ABTB3: variants seen among roughly 807,000 people sequenced by gnomAD.
The protein encoded by ABTB3 is ankyrin repeat and BTB domain containing 3.
the ABTB3 span, among the ~76,000 whole-genome samples, chr12:107,602,836 G>A: frequency 3.3e-5 from 5 of 152,170 alleles, no homozygotes; most frequent in African/African-American, 1.2e-4. Context: ...CAACGCCATC[G>A]CTTGCTGTCC....
At chr12:107,405,511 G>A in the ABTB3 span, among the ~76,000 whole-genome samples, 2 of 151,768 alleles carry the variant, frequency 1.3e-5, no homozygotes, top group African/African-American at 4.9e-5. Flanking sequence ...ACCACTCTCC[G>A]AGCAGTGGGG....
the ABTB3 span, among the ~76,000 whole-genome samples, chr12:107,502,974 G>A: frequency 6.6e-6 from 1 of 152,134 alleles, no homozygotes; most frequent in African/African-American, 2.4e-5. Flanking sequence ...GTACAGTAAG[G>A]CCAATGGATC....
At chr12:107,585,449 G>T in the ABTB3 span, among the ~76,000 whole-genome samples, 1 of 152,162 alleles carries the variant, frequency 6.6e-6, no homozygotes, top group Non-Finnish European at 1.5e-5. Flanking sequence ...CCATACAGAT[G>T]CTCTCATCTA....
At chr12:107,518,838 TA>T in the ABTB3 span, among the ~76,000 whole-genome samples, 10 of 80,470 alleles carry the variant, frequency 1.2e-4, no homozygotes, top group Non-Finnish European at 1.9e-4. Flanking sequence ...GACAAATACT[TA>T]ATACTTGTTC....
the ABTB3 span, among the ~76,000 whole-genome samples, chr12:107,381,189 G>A: frequency 6.6e-6 from 1 of 152,018 alleles, no homozygotes; most frequent in Non-Finnish European, 1.5e-5. Flanking sequence ...TCCTCTATTA[G>A]AAAGATAGGT....
the ABTB3 span, among the ~76,000 whole-genome samples, chr12:107,350,494 A>G: frequency 1.1e-4 from 17 of 151,840 alleles, 3 homozygotes; most frequent in African/African-American, 4.1e-4. Context: ...CGGAGCTTGC[A>G]GTGGGCCAAG....
the ABTB3 span, among the ~76,000 whole-genome samples, chr12:107,588,173 C>A: frequency 6.6e-6 from 1 of 152,330 alleles, no homozygotes. Context: ...TAGATTAAGG[C>A]CTGCCGTAAT....
At chr12:107,516,960 G>T in the ABTB3 span, among the ~76,000 whole-genome samples, 1 of 152,258 alleles carries the variant, frequency 6.6e-6, no homozygotes, top group East Asian at 1.9e-4. Flanking sequence ...AAAAAGCTGG[G>T]CAGGTATTGC....
chr12:107,650,269 G>C, the ABTB3 span: 1 of 152,154 alleles, frequency 6.6e-6, no homozygotes, highest in African/African-American at 2.4e-5. Flanking sequence ...TACCTCACTG[G>C]GTTTTTTAGA....
At chr12:107,392,286 A>G in the ABTB3 span, among the ~76,000 whole-genome samples, 1 of 152,158 alleles carries the variant, frequency 6.6e-6, no homozygotes, top group Non-Finnish European at 1.5e-5. Flanking sequence ...TCCTGGAAGT[A>G]GAGCCCAGTG....
chr12:107,590,310 A>C, the ABTB3 span, among the ~76,000 whole-genome samples: 14 of 152,318 alleles, frequency 9.2e-5, no homozygotes, highest in Middle Eastern at 3.4e-3. Context: ...GTCTTAACTA[A>C]AGAAACCTTT....
chr12:107,345,614 TG>T, the ABTB3 span, among the ~76,000 whole-genome samples: 1 of 152,250 alleles, frequency 6.6e-6, no homozygotes, highest in Non-Finnish European at 1.5e-5. Flanking sequence ...ACCCTGGAGC[TG>T]GGGCTAGATC....
chr12:107,603,775 A>C, the ABTB3 span, among the ~76,000 whole-genome samples: 1 of 152,222 alleles, frequency 6.6e-6, no homozygotes, highest in African/African-American at 2.4e-5. Context: ...AACTTATGGA[A>C]TGGGAGAAAA....
At chr12:107,334,418 G>A in the ABTB3 span, among the ~76,000 whole-genome samples, 1 of 152,120 alleles carries the variant, frequency 6.6e-6, no homozygotes, top group Non-Finnish European at 1.5e-5. Flanking sequence ...GGAATGAGGG[G>A]GGTTAAGGAA....
the ABTB3 span, among the ~76,000 whole-genome samples, chr12:107,352,576 A>G: frequency 2.6e-5 from 4 of 152,218 alleles, no homozygotes; most frequent in Admixed American, 2.6e-4. Flanking sequence ...GCCCTTCCAC[A>G]TACCAAGCCA....
chr12:107,605,979 G>T, the ABTB3 span, among the ~76,000 whole-genome samples: 1 of 152,148 alleles, frequency 6.6e-6, no homozygotes, highest in African/African-American at 2.4e-5. Flanking sequence ...TAGAGGGAGG[G>T]GATAGGTGTG....
the ABTB3 span, among the ~76,000 whole-genome samples, chr12:107,574,488 C>T: frequency 6.6e-6 from 1 of 152,124 alleles, no homozygotes; most frequent in African/African-American, 2.4e-5. Context: ...TTTGGGAGGC[C>T]AAGGCAGGTG....
At chr12:107,545,212 C>T in the ABTB3 span, among the ~76,000 whole-genome samples, 72 of 152,136 alleles carry the variant, frequency 4.7e-4, no homozygotes, top group East Asian at 9.3e-3. Flanking sequence ...ATAGGCTATA[C>T]GGAGGTTGCT....
the ABTB3 span, among the ~76,000 whole-genome samples, chr12:107,623,745 C>CTACAGTGG: frequency 3.3e-5 from 5 of 152,134 alleles, no homozygotes; most frequent in African/African-American, 4.8e-5. Context: ...GTTCCAGGCA[C>CTACAGTGG]TACAGTGGTG....
Sources: allele counts gnomAD v4.1 joint callset (sites outside exome capture counted in the v4.1 genomes callset), GRCh38; gene constraint gnomAD v4.1.1; transcripts MANE v1.5; gene names NCBI Gene and HGNC (gene_info 2026-07-23, HGNC 2026-07-21).